Variants in SLC27A1 observed in about 807,000 individuals in gnomAD.
SLC27A1 encodes the protein solute carrier family 27 member 1, also known as long-chain fatty acid transport protein 1.
Under a neutral mutation model 62.2 loss-of-function variants are expected in SLC27A1, and 61 were observed. That is an observed-to-expected ratio of 0.98 (90% confidence interval 0.80 to 1.21). The LOEUF (loss-of-function observed/expected upper bound fraction) is 1.21, where lower values mean the gene tolerates loss of function less well. Ranked by LOEUF, SLC27A1 falls within the 50% of genes most tolerant of loss-of-function variation. SLC27A1 has a pLI of 0.00. For missense variants in SLC27A1, 903 were observed against 932.1 expected (o/e 0.97, Z 0.41); for synonymous variants, 435 against 408.6 (o/e 1.06, Z -0.78).
upstream of SLC27A1, chr19:17,470,454 G>A (rs1304225788): frequency 7.3e-6 from 10 of 1,375,978 alleles, no homozygotes; most frequent in African/African-American, 1.5e-5. Context: ...GCGGCTCGCT[G>A]TAGAGGCGGG....
intron 1 of SLC27A1, among the ~76,000 whole-genome samples, chr19:17,475,232 T>C (rs2075111801): frequency 6.6e-6 from 1 of 152,148 alleles, no homozygotes; most frequent in African/African-American, 2.4e-5. Flanking sequence ...TCCCTTCTAA[T>C]GAGTAAAATA....
At chr19:17,496,889 C>T (rs1372142237) in intron 6 of SLC27A1, 1 of 185,244 alleles carries the variant, frequency 5.4e-6, no homozygotes, top group Non-Finnish European at 1.1e-5. Flanking sequence ...CCCATCTCTA[C>T]AAAAAAATCT....
intron 3 of SLC27A1, 45 bp from the exon 4 acceptor site, chr19:17,487,415 C>A: frequency 6.5e-7 from 1 of 1,546,826 alleles, no homozygotes; most frequent in Non-Finnish European, 8.7e-7. Flanking sequence ...CAGGCCCCAC[C>A]CCCCAATGCT....
At chr19:17,476,174 C>G (rs2075119898) in intron 1 of SLC27A1, among the ~76,000 whole-genome samples, 1 of 152,140 alleles carries the variant, frequency 6.6e-6, no homozygotes, top group Non-Finnish European at 1.5e-5. Flanking sequence ...TGTACCCCAT[C>G]ATGGAGTTCT....
rs1416757571 is a variant in SLC27A1, at chr19:17,504,623, C to A, written c.*11C>A. 1 of 1,613,962 alleles carries A rather than the reference C, an allele frequency of 6.2e-7. No homozygotes were observed. Among genetic ancestry groups the A allele is most frequent in the East Asian group, 2.2e-5 (1 of 44,862 alleles). ...GCCTTCGCCCTCTGAAGCTGTTCCT[C>A]TACTGGCCACAAACTCTGGGCCTGG... is the stretch of plus-strand genomic sequence containing the variant. On this transcript the variant is annotated 3_prime_UTR_variant, in exon 12 of 12. Transcript: ENST00000252595.
rs752732712 is a variant in SLC27A1 at position 17,504,861 on chromosome 19, G to A, written c.*249G>A. On this transcript the variant is annotated 3_prime_UTR_variant, in exon 12 of 12. Transcript: ENST00000252595. ...CTCCTTCCATCCCTGTCCCTGTCTG[G>A]CCTTAACTCTTCCCTCTTTTTCTTT... 51 of 681,592 alleles carry A rather than the reference G, an allele frequency of 7.5e-5. No homozygotes were observed. The highest frequency in any genetic ancestry group is 2.3e-4 in the Middle Eastern group (1 of 4,280). 42.2% of individuals were successfully genotyped at this position (681,592 alleles called of 1,614,324 possible). A position where few individuals can be genotyped will look rare whatever the true frequency, so the allele number is the denominator to read the frequency against.
rs778407793 is a variant in SLC27A1, at chr19:17,487,518, C to G, written c.783C>G (p.Val261=). 6.2e-7 allele frequency: 1 copy of G among 1,611,450 alleles called. No individual in the cohort carries two copies. Among genetic ancestry groups the G allele is most frequent in the Non-Finnish European group, 8.5e-7 (1 of 1,179,826 alleles). Residue 261 remains valine, a synonymous_variant, in exon 4 of 12, where the codon GTC becomes GTG. Coordinates refer to ENST00000252595, the MANE Select transcript of SLC27A1 (RefSeq NM_198580.3). Reference sequence around the variant, plus strand: ...CCGGGCTGCCCAAGGCTGCCATTGTCGTGCACAGCAGGTGAGGGGCCCACA... The same window carrying G: ...CCGGGCTGCCCAAGGCTGCCATTGTGGTGCACAGCAGGTGAGGGGCCCACA... ...GTTGLPKAAI[V]VHSRYYRMAA... is the part of the protein sequence containing the mutation.
intron 11 of SLC27A1, 104 bp downstream of exon 11, chr19:17,501,523 G>C: frequency 6.8e-7 from 1 of 1,478,406 alleles, no homozygotes; most frequent in Non-Finnish European, 9.1e-7. Context: ...CCTGGCCGGG[G>C]CCAGGCACGG....
In SLC27A1 at chr19:17,487,181, C is replaced by T. The variant is rs781084979; in HGVS notation, c.570C>T (p.Ala190=). Residue 190 remains alanine (A), a synonymous_variant, in exon 3 of 12, where the codon GCC becomes GCT. Transcript: ENST00000252595. ...ATGTGTTGGGGACCACAGCGGTGGC[C>T]GAAGTGAGCGGGCATCTGGGGAAAA... ...IFGGEMVAAV[A]EVSGHLGKSL... 16 of 1,613,918 alleles carry T rather than the reference C, an allele frequency of 9.9e-6. No homozygotes were observed. The highest frequency in any genetic ancestry group is 1.3e-5 in the Non-Finnish European group (15 of 1,179,990).
At position 17,473,458 on chromosome 19, in the gene SLC27A1, G is replaced by C. The variant is rs1599637372; in HGVS notation, c.167+2751G>C. Among the ~76,000 whole-genome samples the C allele has an allele frequency of 2.6e-5, 4 of 152,280 alleles. 1 individual carries two copies. The South Asian group carries it at 8.3e-4, about 32-fold the overall frequency. ...ATGGGCATGCTTTGAGGTCTTATCAGACTCAAACCTGCTTGTCTGACACCT... is the reference window on the plus strand; with the variant it reads ...ATGGGCATGCTTTGAGGTCTTATCACACTCAAACCTGCTTGTCTGACACCT... On this transcript the variant is annotated intron_variant, in intron 1 of 11. Coordinates refer to ENST00000252595, the MANE Select transcript of SLC27A1 (RefSeq NM_198580.3).
chr19:17,500,284 T>C lies in SLC27A1; in HGVS notation c.1213T>C (p.Ser405Pro). The C allele has an allele frequency of 6.2e-7, 1 of 1,614,018 alleles. No individual in the cohort carries two copies. Among genetic ancestry groups the C allele is most frequent in the Non-Finnish European group, 8.5e-7 (1 of 1,179,920 alleles). Residue 405 changes from serine (S) to proline (P), a missense_variant, in exon 8 of 12, where the codon TCC becomes CCC. Coordinates refer to ENST00000252595, the MANE Select transcript of SLC27A1 (RefSeq NM_198580.3). ...TCAGTTCACCCCATTCCAGGTCGGC[T>C]CCTGTGGTTTCAACAGCCGCATCCT... Reference protein sequence around the residue: ...SIANMDGKVGSCGFNSRILPH... With the variant: ...SIANMDGKVGPCGFNSRILPH...
In SLC27A1 at chr19:17,497,269, C is replaced by A. The variant is rs147411222; in HGVS notation, c.1011C>A (p.Ile337=). 8 of 1,603,632 alleles carry A rather than the reference C, an allele frequency of 5.0e-6. No individual in the cohort carries two copies. The highest frequency in any genetic ancestry group is 6.8e-6 in the Non-Finnish European group (8 of 1,177,030). The change falls in exon 7 of 12, where the codon ATC becomes ATA. Residue 337 remains isoleucine, a synonymous_variant. Transcript: ENST00000252595. ...CCGTCCCCCAGGTGGTTCAGTACATCGGGGAGATCTGCCGCTACCTGCTGA... is the reference window on the plus strand; with the variant it reads ...CCGTCCCCCAGGTGGTTCAGTACATAGGGGAGATCTGCCGCTACCTGCTGA... The part of the protein sequence containing the change: ...IKYNCTVVQY[I]GEICRYLLKQ...
chr19:17,502,115 CAAAAT>C (rs970928269), intron 11 of SLC27A1, among the ~76,000 whole-genome samples: 5 of 151,636 alleles, frequency 3.3e-5, no homozygotes, highest in Non-Finnish European at 7.4e-5. Flanking sequence ...GACAATGTCT[CAAAAT>C]AATAATAATA....
intron 6 of SLC27A1, among the ~76,000 whole-genome samples, chr19:17,491,598 G>A (rs1321746776): frequency 1.1e-4 from 16 of 152,252 alleles, no homozygotes; most frequent in South Asian, 6.2e-4. Context: ...TTGGCTGAGC[G>A]CAATGGCTCA....
In SLC27A1 at chr19:17,477,854, G is replaced by A. The variant is rs541616658; in HGVS notation, c.167+7147G>A. On this transcript the variant is annotated intron_variant, in intron 1 of 11. Coordinates refer to ENST00000252595, the MANE Select transcript of SLC27A1 (RefSeq NM_198580.3). The stretch of plus-strand genomic sequence containing the variant: ...ACAGGTGTGAGCCACCGCACCTGCC[G>A]CCCACCTTTTTCTAAAATAAATTTA... Among the ~76,000 whole-genome samples the A allele has an allele frequency of 3.3e-5, 5 of 151,418 alleles. No individual in the cohort carries two copies. In the South Asian group the frequency reaches 8.3e-4, roughly 25 times the overall value.
intron 10 of SLC27A1, 81 bp from the exon 11 acceptor site, chr19:17,501,192 G>C (rs1442358677): frequency 1.3e-6 from 2 of 1,543,140 alleles, no homozygotes; most frequent in African/African-American, 2.7e-5. Context: ...CAGACCAGGG[G>C]CTACTGCTTG....
Position 17,501,359 on chromosome 19 carries a change from G to A in SLC27A1, c.1723G>A (p.Val575Met). Residue 575 changes from valine to methionine, a missense_variant, in exon 11 of 12, where the codon GTG becomes ATG. Val to Met is a conservative substitution (Grantham distance 21). Transcript: ENST00000252595. ...CGCGATATACCAGGAGCTGCAGAAG[G>A]TGCTGGCACCCTATGCCCGGCCCAT... ...PNAIYQELQK[V>M]LAPYARPIFL... 1 of 1,614,008 alleles carries A rather than the reference G, an allele frequency of 6.2e-7. No homozygotes were observed. The highest frequency in any genetic ancestry group is 8.5e-7 in the Non-Finnish European group (1 of 1,179,976).
intron 1 of SLC27A1, among the ~76,000 whole-genome samples, chr19:17,480,987 G>A (rs933356141): frequency 4.6e-5 from 7 of 151,106 alleles, no homozygotes; most frequent in Admixed American, 2.0e-4. Context: ...GTGCAATGAC[G>A]CGATCTCGGC....
intron 6 of SLC27A1, 41 bp from the exon 7 acceptor site, chr19:17,497,214 C>T: frequency 6.5e-7 from 1 of 1,543,148 alleles, no homozygotes; most frequent in African/African-American, 1.4e-5. Context: ...CTCCCCACCG[C>T]CTGCCGGTCC....
Sources: gnomAD v4.1 joint callset for allele counts (sites outside exome capture counted in the v4.1 genomes callset) on GRCh38, gnomAD v4.1.1 for gene constraint, MANE v1.5 for transcripts, NCBI Gene and HGNC (gene_info 2026-07-23, HGNC 2026-07-21) for gene names.